ARHGAP6: variants seen among roughly 807,000 people sequenced by gnomAD.
ARHGAP6 encodes the protein Rho GTPase activating protein 6, also known as rho GTPase-activating protein 6.
In ARHGAP6, 16 loss-of-function variants were observed where a neutral mutation model predicts 55.7. The ratio of observed to expected loss-of-function variants is 0.29; its 90% CI spans 0.19 to 0.44. The LOEUF (loss-of-function observed/expected upper bound fraction) is 0.44. ARHGAP6 is among the 20% of genes least tolerant of loss of function. The pLI, the probability that ARHGAP6 is intolerant of heterozygous loss-of-function variation, is 1.00. For missense variants in ARHGAP6, 698 were observed against 808.9 expected, an observed-to-expected ratio of 0.86 and a Z score of 1.66; for synonymous variants, 382 against 360.9, an observed-to-expected ratio of 1.06 and a Z score of -0.66.
intron 1 of ARHGAP6, among the ~76,000 whole-genome samples, chrX:11,332,201 C>A (rs1219959696): frequency 1.8e-5 from 2 of 111,924 alleles, no homozygotes; most frequent in Admixed American, 1.9e-4. Flanking sequence ...ACTCTTAGAT[C>A]CATCCCCTAG....
intron 8 of ARHGAP6, among the ~76,000 whole-genome samples, chrX:11,177,053 T>A (rs2046235737): frequency 8.9e-6 from 1 of 112,107 alleles, no homozygotes; most frequent in Non-Finnish European, 1.9e-5. Context: ...AACAAGAATT[T>A]ACAAAAAAGT....
intron 1 of ARHGAP6, among the ~76,000 whole-genome samples, chrX:11,631,418 G>A (rs2052360205): frequency 9.1e-6 from 1 of 110,119 alleles, no homozygotes; most frequent in African/African-American, 3.3e-5. Context: ...CTAGCTACTT[G>A]GGAGGCCAGA....
intron 1 of ARHGAP6, among the ~76,000 whole-genome samples, chrX:11,611,496 A>G (rs776973702): frequency 8.9e-6 from 1 of 112,134 alleles, no homozygotes; most frequent in East Asian, 2.8e-4. Flanking sequence ...TATTTCCATT[A>G]GGACAAAAGA....
intron 1 of ARHGAP6, among the ~76,000 whole-genome samples, chrX:11,375,854 C>A (rs1031916449): frequency 1.8e-5 from 2 of 111,089 alleles, no homozygotes; most frequent in East Asian, 5.6e-4. Context: ...AAAATAGAGA[C>A]CAAGAGGGCT....
At chrX:11,624,805 C>A (rs967765432) in intron 1 of ARHGAP6, among the ~76,000 whole-genome samples, 3 of 111,866 alleles carry the variant, frequency 2.7e-5, no homozygotes, top group African/African-American at 9.8e-5. Context: ...CCCGCCTCAG[C>A]CTCCCAAAGT....
intron 1 of ARHGAP6, among the ~76,000 whole-genome samples, chrX:11,520,967 G>T (rs1454981755): frequency 8.9e-6 from 1 of 112,225 alleles, no homozygotes; most frequent in African/African-American, 3.2e-5. Context: ...CTTCTTTTGA[G>T]AAGTGTCTGT....
intron 1 of ARHGAP6, among the ~76,000 whole-genome samples, chrX:11,296,498 T>C (rs958197753): frequency 1.8e-5 from 2 of 111,888 alleles, no homozygotes; most frequent in African/African-American, 3.3e-5. Context: ...TGCTGGTTTC[T>C]GCTTCCAGGT....
chrX:11,333,777 G>A (rs897536256), intron 1 of ARHGAP6, among the ~76,000 whole-genome samples: 1 of 112,126 alleles, frequency 8.9e-6, no homozygotes, highest in African/African-American at 3.2e-5. Context: ...CTCCATCATG[G>A]GAGGACAAAC....
chrX:11,493,849 T>A (rs1284334440), intron 1 of ARHGAP6, among the ~76,000 whole-genome samples: 1 of 106,567 alleles, frequency 9.4e-6, no homozygotes, highest in African/African-American at 3.4e-5. Context: ...TTTTTTTTTT[T>A]TTTGAGATGG....
intron 1 of ARHGAP6, among the ~76,000 whole-genome samples, chrX:11,367,272 A>G (rs763972669): frequency 1.1e-3 from 124 of 112,127 alleles, no homozygotes; most frequent in Admixed American, 2.1e-3. Context: ...GTTGCAAAAA[A>G]GAGATGGCTT....
In ARHGAP6 at chrX:11,138,792, C is replaced by A; in HGVS notation, c.*71G>T. 1 of 1,070,749 alleles carries A rather than the reference C, an allele frequency of 9.3e-7. No individual in the cohort carries two copies. Among genetic ancestry groups the A allele is most frequent in the East Asian group, 3.3e-5 (1 of 30,464 alleles). The allele number at this position is 1,070,749 out of a possible 1,213,427, so 88.2% of individuals were successfully genotyped here. On this transcript the variant is annotated 3_prime_UTR_variant, in exon 13 of 13. Transcript: ENST00000337414. ...GAAGAACACTAAGTGTGCCAGTGGC[C>A]ACCACCCACGGTCCCCCCTGGGCTG...
intron 1 of ARHGAP6, among the ~76,000 whole-genome samples, chrX:11,520,892 T>C (rs1385860836): frequency 2.7e-5 from 3 of 112,270 alleles, no homozygotes; most frequent in African/African-American, 9.7e-5. Context: ...CAGTTTTGAT[T>C]TGCATTTCTC....
At chrX:11,541,182 G>T (rs2051154399) in intron 1 of ARHGAP6, among the ~76,000 whole-genome samples, 1 of 112,115 alleles carries the variant, frequency 8.9e-6, no homozygotes, top group African/African-American at 3.2e-5. Flanking sequence ...GAAGCACCAG[G>T]GCTGGTCAGG....
chrX:11,508,602 T>A (rs1189613572), intron 1 of ARHGAP6, among the ~76,000 whole-genome samples: 3 of 109,882 alleles, frequency 2.7e-5, no homozygotes, highest in African/African-American at 9.9e-5. Flanking sequence ...GACAATTTCA[T>A]TGCTCCCAAG....
chrX:11,328,711 C>A (rs1026867784), intron 1 of ARHGAP6, among the ~76,000 whole-genome samples: 12 of 112,415 alleles, frequency 1.1e-4, no homozygotes, highest in Admixed American at 2.8e-4. Context: ...CTGGGAAAAT[C>A]TTTGTTTCTG....
chrX:11,485,678 A>G (rs923296886), intron 1 of ARHGAP6, among the ~76,000 whole-genome samples: 1 of 112,297 alleles, frequency 8.9e-6, no homozygotes, highest in Non-Finnish European at 1.9e-5. Context: ...ACCCATTCAC[A>G]CATGCACTGC....
chrX:11,553,420 T>C (rs1178345378), intron 1 of ARHGAP6, among the ~76,000 whole-genome samples: 4 of 110,969 alleles, frequency 3.6e-5, no homozygotes, highest in African/African-American at 1.3e-4. Flanking sequence ...TTTTGTATTT[T>C]TTTTTAGACA....
intron 2 of ARHGAP6, among the ~76,000 whole-genome samples, chrX:11,215,372 C>T (rs1442440257): frequency 8.9e-6 from 1 of 112,780 alleles, no homozygotes; most frequent in African/African-American, 3.2e-5. Context: ...CGAGGATCCC[C>T]CAGAGGCCGC....
chrX:11,251,207 G>A (rs2047419248), intron 2 of ARHGAP6, among the ~76,000 whole-genome samples: 1 of 111,368 alleles, frequency 9.0e-6, no homozygotes, highest in Admixed American at 9.5e-5. Context: ...CACGCCTAGT[G>A]GATTAAATTG....
Sources: allele counts gnomAD v4.1 joint callset (sites outside exome capture counted in the v4.1 genomes callset), GRCh38; gene constraint gnomAD v4.1.1; transcripts MANE v1.5; gene names NCBI Gene and HGNC (gene_info 2026-07-23, HGNC 2026-07-21).